The following STX18 variants were observed in gnomAD, a reference collection of about 807,000 sequenced individuals.
STX18 encodes syntaxin 18.
In STX18, 40 loss-of-function variants were observed where a neutral mutation model predicts 50.1. The ratio of observed to expected loss-of-function variants is 0.80; its 90% CI spans 0.62 to 1.04. The LOEUF (loss-of-function observed/expected upper bound fraction) is 1.04, where lower values mean the gene tolerates loss of function less well. Ranked by LOEUF, STX18 falls within the 50% of genes least tolerant of loss-of-function variation. STX18 has a pLI of 0.00. For synonymous variants in STX18, 158 were observed against 151.8 expected (o/e 1.04, Z -0.30); for missense variants, 410 against 415.8 (o/e 0.99, Z 0.12).
At chr4:4,517,102 C>T (rs1730303085) in intron 1 of STX18, among the ~76,000 whole-genome samples, 1 of 152,164 alleles carries the variant, frequency 6.6e-6, no homozygotes, top group Admixed American at 6.5e-5. Flanking sequence ...CACGGGAGCT[C>T]CCGACTGTAT....
intron 8 of STX18, among the ~76,000 whole-genome samples, chr4:4,424,227 C>T (rs554027989): frequency 1.1e-3 from 173 of 152,152 alleles, no homozygotes; most frequent in Non-Finnish European, 4.0e-4. Context: ...GGTGGGGGCA[C>T]ATCTATTTAG....
At chr4:4,449,192 GC>G (rs1379812596) in intron 5 of STX18, among the ~76,000 whole-genome samples, 2 of 151,982 alleles carry the variant, frequency 1.3e-5, no homozygotes, top group East Asian at 3.9e-4. Context: ...GACTACAGGT[GC>G]ATGTCACCAC....
chr4:4,451,754 CCT>C (rs938344094), intron 5 of STX18, among the ~76,000 whole-genome samples: 2 of 152,238 alleles, frequency 1.3e-5, no homozygotes, highest in African/African-American at 2.4e-5. Context: ...CCCATTTTCT[CCT>C]CTCTCTCCCT....
chr4:4,438,064 A>G (rs1244207098), intron 6 of STX18, among the ~76,000 whole-genome samples: 1 of 152,202 alleles, frequency 6.6e-6, no homozygotes, highest in African/African-American at 2.4e-5. Context: ...CATGCAGGGC[A>G]TGGCTGCCAG....
chr4:4,475,833 C>G (rs557435598), intron 1 of STX18, among the ~76,000 whole-genome samples: 11 of 152,242 alleles, frequency 7.2e-5, no homozygotes, highest in African/African-American at 2.6e-4. Context: ...GTTGCCCAGG[C>G]TGGTCTCAAA....
At chr4:4,495,379 T>G (rs1443001092) in intron 1 of STX18, among the ~76,000 whole-genome samples, 2 of 150,308 alleles carry the variant, frequency 1.3e-5, no homozygotes, top group Non-Finnish European at 3.0e-5. Flanking sequence ...CCTGTCTTTC[T>G]TCTCTCTCTC....
At position 4,422,547 on chromosome 4, in the gene STX18, C is replaced by T. The variant is rs143004174; in HGVS notation, c.831+971G>A. Among the ~76,000 whole-genome samples the T allele has an allele frequency of 1.5e-4, 21 of 142,598 alleles. No individual in the cohort carries two copies. The Middle Eastern group carries it at 0.016, about 107-fold the overall frequency. 93.5% of individuals were successfully genotyped at this position (142,598 alleles called of 152,430 possible). On this transcript the variant is annotated intron_variant, in intron 9 of 10. Coordinates refer to ENST00000306200, the MANE Select transcript of STX18 (RefSeq NM_016930.4). ...TAGCAACATTGCACTCCAGCCTGGG[C>T]GACACAGCAAGACTCTGTCTCCAAA...
At chr4:4,426,132 C>G (rs1412223796) in intron 7 of STX18, 1 of 152,198 alleles carries the variant, frequency 6.6e-6, no homozygotes, top group African/African-American at 2.4e-5. Context: ...TATTCCTATC[C>G]TTGGCCTACC....
At chr4:4,452,010 C>T (rs1726779370) in intron 5 of STX18, among the ~76,000 whole-genome samples, 1 of 152,192 alleles carries the variant, frequency 6.6e-6, no homozygotes, top group African/African-American at 2.4e-5. Flanking sequence ...AATTAAAGTG[C>T]TACTCCAGTG....
Position 4,542,035 on chromosome 4 carries a change from G to A in STX18, c.-71C>T, listed in dbSNP as rs1731635672. 3 of 1,463,690 alleles carry A rather than the reference G, an allele frequency of 2.0e-6. No homozygotes were observed. The highest frequency in any genetic ancestry group is 2.7e-6 in the Non-Finnish European group (3 of 1,102,438). 90.7% of individuals were successfully genotyped at this position (1,463,690 alleles called of 1,614,324 possible). A position where few individuals can be genotyped will look rare whatever the true frequency, so the allele number is the denominator to read the frequency against. On this transcript the variant is annotated 5_prime_UTR_variant, in exon 1 of 11. Transcript: ENST00000306200. ...AGCCGGCGACCGCGGCGCGAACCCG[G>A]CCGCTGAAGGACTGGTCCTGCCCCA...
intron 1 of STX18, among the ~76,000 whole-genome samples, chr4:4,474,656 G>A (rs1363421771): frequency 6.6e-6 from 1 of 152,214 alleles, no homozygotes; most frequent in Non-Finnish European, 1.5e-5. Context: ...GTGGGAGGCA[G>A]AAGGGAGAGT....
chr4:4,536,413 A>G (rs1165290801), intron 1 of STX18, among the ~76,000 whole-genome samples: 1 of 152,246 alleles, frequency 6.6e-6, no homozygotes, highest in African/African-American at 2.4e-5. Flanking sequence ...AAATGGATAT[A>G]TGATCTGCTA....
intron 1 of STX18, among the ~76,000 whole-genome samples, chr4:4,519,818 A>T (rs1282487885): frequency 6.6e-6 from 1 of 152,210 alleles, no homozygotes; most frequent in Non-Finnish European, 1.5e-5. Flanking sequence ...AAACTGCAAT[A>T]CCACACTGAT....
At chr4:4,437,202 C>T (rs1167880201) in intron 6 of STX18, among the ~76,000 whole-genome samples, 5 of 152,064 alleles carry the variant, frequency 3.3e-5, no homozygotes, top group East Asian at 3.9e-4. Flanking sequence ...TGATCCAACC[C>T]GCCTTGGCCT....
intron 1 of STX18, among the ~76,000 whole-genome samples, chr4:4,512,126 G>A (rs200761904): frequency 1.5e-4 from 23 of 151,902 alleles, no homozygotes; most frequent in African/African-American, 4.6e-4. Flanking sequence ...AGATGGGAAC[G>A]GCAAGGATAC....
In STX18 at chr4:4,419,466, A is replaced by G. The variant is rs1253083251; in HGVS notation, c.*568T>C. ...TGAATTTGTCAACTTAGACTCATTGACAACACATTAAGGGGCTGTAATTAT... is the reference window on the plus strand; with the variant it reads ...TGAATTTGTCAACTTAGACTCATTGGCAACACATTAAGGGGCTGTAATTAT... On this transcript the variant is annotated 3_prime_UTR_variant, in exon 11 of 11. Transcript: ENST00000306200. 6.6e-6 allele frequency: 1 copy of G among 152,314 alleles called. No homozygotes were observed. Among genetic ancestry groups the G allele is most frequent in the Non-Finnish European group, 1.5e-5 (1 of 68,112 alleles). 9.4% of individuals were successfully genotyped at this position (152,314 alleles called of 1,614,324 possible).
chr4:4,522,761 G>A (rs111247556), intron 1 of STX18, among the ~76,000 whole-genome samples: 1 of 152,320 alleles, frequency 6.6e-6, no homozygotes, highest in African/African-American at 2.4e-5. Flanking sequence ...TTAATCATCA[G>A]TAGAAAAAAA....
chr4:4,484,113 T>A (rs574582627), intron 1 of STX18, among the ~76,000 whole-genome samples: 1 of 152,128 alleles, frequency 6.6e-6, no homozygotes, highest in Non-Finnish European at 1.5e-5. Flanking sequence ...CCGCCCGCCT[T>A]GGCCTCCCAA....
intron 1 of STX18, among the ~76,000 whole-genome samples, chr4:4,495,024 C>T (rs1394237753): frequency 6.6e-6 from 1 of 152,166 alleles, no homozygotes; most frequent in Non-Finnish European, 1.5e-5. Context: ...GGTTGAGAAC[C>T]ACTGATGTAG....
Sources: allele counts gnomAD v4.1 joint callset (sites outside exome capture counted in the v4.1 genomes callset), GRCh38; gene constraint gnomAD v4.1.1; transcripts MANE v1.5; gene names NCBI Gene and HGNC (gene_info 2026-07-23, HGNC 2026-07-21).